DIAPH2: variants seen among roughly 807,000 people sequenced by gnomAD.
DIAPH2 encodes diaphanous related formin 2, also known as protein diaphanous homolog 2.
A neutral mutation model predicts 92.7 loss-of-function variants in DIAPH2; 35 were observed. The observed-to-expected ratio is 0.38, with a 90% confidence interval of 0.29 to 0.50. DIAPH2 has a LOEUF of 0.50. Among genes scored for constraint, DIAPH2 ranks in the 20% least tolerant of loss-of-function variants. DIAPH2 has a pLI of 0.94. For synonymous variants in DIAPH2, 301 were observed against 280.4 expected, an observed-to-expected ratio of 1.07 and a Z score of -0.73; for missense variants, 701 against 819.5, an observed-to-expected ratio of 0.86 and a Z score of 1.77.
intron 23 of DIAPH2, among the ~76,000 whole-genome samples, chrX:97,275,654 C>T (rs1239794054): frequency 9.5e-6 from 1 of 105,120 alleles, no homozygotes; most frequent in Non-Finnish European, 2.0e-5. Flanking sequence ...TGCGGCCGGA[C>T]AGAGGCGCTC....
chrX:97,540,778 T>G (rs955521650), intron 26 of DIAPH2, among the ~76,000 whole-genome samples: 7 of 112,099 alleles, frequency 6.2e-5, no homozygotes, highest in African/African-American at 2.3e-4. Flanking sequence ...TAATGAGCTA[T>G]AAAGATAGAC....
chrX:97,166,926 G>C (rs766662137), intron 22 of DIAPH2, among the ~76,000 whole-genome samples: 3 of 111,794 alleles, frequency 2.7e-5, no homozygotes, highest in Non-Finnish European at 5.6e-5. Flanking sequence ...CCTCAGTTTT[G>C]AATCTTTACA....
At chrX:97,307,921 A>AAAAAG (rs1556022816) in intron 23 of DIAPH2, among the ~76,000 whole-genome samples, 1 of 109,055 alleles carries the variant, frequency 9.2e-6, no homozygotes, top group Non-Finnish European at 1.9e-5. Flanking sequence ...AAAAAAAAAA[A>AAAAAG]AAAAAGAAAA....
At chrX:96,780,997 G>A (rs5990236) in intron 4 of DIAPH2, among the ~76,000 whole-genome samples, 6,231 of 108,529 alleles carry the variant, frequency 0.057, 202 homozygotes, top group Middle Eastern at 0.16. Flanking sequence ...AGTAGAGACG[G>A]GGTTTTGCCA....
At chrX:97,252,975 A>G (rs1374114197) in intron 23 of DIAPH2, among the ~76,000 whole-genome samples, 1 of 111,476 alleles carries the variant, frequency 9.0e-6, no homozygotes, top group Non-Finnish European at 1.9e-5. Context: ...GCATACATTG[A>G]GAAGCAAATT....
intron 22 of DIAPH2, among the ~76,000 whole-genome samples, chrX:97,203,046 C>T (rs974712321): frequency 7.1e-5 from 8 of 111,892 alleles, no homozygotes; most frequent in African/African-American, 9.7e-5. Context: ...ACGTGGAAAT[C>T]GTACAACCTC....
At chrX:97,398,852 A>G (rs2069728580) in intron 25 of DIAPH2, among the ~76,000 whole-genome samples, 1 of 107,731 alleles carries the variant, frequency 9.3e-6, no homozygotes, top group Non-Finnish European at 1.9e-5. Context: ...AGCAATTCCA[A>G]TTCTCTGCCT....
intron 23 of DIAPH2, among the ~76,000 whole-genome samples, chrX:97,261,533 G>T (rs1043808409): frequency 9.0e-6 from 1 of 110,896 alleles, no homozygotes; most frequent in Admixed American, 9.6e-5. Context: ...TTCCTTTAGA[G>T]GAAATAAAAA....
intron 4 of DIAPH2, among the ~76,000 whole-genome samples, chrX:96,785,941 T>C (rs1312522411): frequency 9.0e-6 from 1 of 111,625 alleles, no homozygotes; most frequent in African/African-American, 3.3e-5. Context: ...AGTCCTTATA[T>C]AGGAGCCACA....
chrX:97,377,324 G>A (rs974821790), intron 24 of DIAPH2, among the ~76,000 whole-genome samples: 2 of 112,336 alleles, frequency 1.8e-5, no homozygotes, highest in African/African-American at 3.2e-5. Flanking sequence ...CAAGTACTGT[G>A]TATTGTACAT....
chrX:97,544,042 C>T (rs2071161451), intron 26 of DIAPH2, among the ~76,000 whole-genome samples: 1 of 111,719 alleles, frequency 9.0e-6, no homozygotes, highest in Non-Finnish European at 1.9e-5. Flanking sequence ...AATTGTTAAA[C>T]ATTCTTCCTA....
intron 5 of DIAPH2, among the ~76,000 whole-genome samples, chrX:96,892,192 A>G (rs772579420): frequency 8.9e-5 from 10 of 112,015 alleles, no homozygotes; most frequent in East Asian, 2.8e-4. Context: ...GTACAGATCA[A>G]TACTCTTAGA....
At position 97,016,678 on chromosome X, in the gene DIAPH2, A is replaced by G. The variant is rs530242702; in HGVS notation, c.2050+51471A>G. Among the ~76,000 whole-genome samples, 25 of 112,344 alleles carry G rather than the reference A, an allele frequency of 2.2e-4. No individual in the cohort carries two copies. The South Asian group carries it at 9.3e-3, about 42-fold the overall frequency. The stretch of plus-strand genomic sequence containing the variant: ...TACCTTTGACAAGTTGCTTGCCACA[A>G]AGAAAATTGCTCAAAAGGAGCTGCC... On this transcript the variant is annotated intron_variant, in intron 17 of 26. Coordinates refer to ENST00000324765, the MANE Select transcript of DIAPH2 (RefSeq NM_006729.5).
intron 23 of DIAPH2, among the ~76,000 whole-genome samples, chrX:97,325,201 A>G (rs1467967681): frequency 1.8e-5 from 2 of 112,220 alleles, no homozygotes; most frequent in African/African-American, 6.5e-5. Context: ...GTGGATGAAG[A>G]GGTAAATGAA....
chrX:96,776,627 C>G (rs1377204075), intron 4 of DIAPH2, among the ~76,000 whole-genome samples: 1 of 108,447 alleles, frequency 9.2e-6, no homozygotes, highest in Non-Finnish European at 1.9e-5. Context: ...ATGACTGTTT[C>G]TAAACTAAGA....
chrX:97,049,980 C>A (rs144857009), intron 17 of DIAPH2, among the ~76,000 whole-genome samples: 3,921 of 110,879 alleles, frequency 0.035, 85 homozygotes, highest in Middle Eastern at 0.083. Context: ...GGGTCTGTTC[C>A]CTATCTCCAA....
rs1432624369 is a variant in DIAPH2, at chrX:96,738,599, C to T, written c.179C>T (p.Thr60Ile). The change falls in exon 3 of 27, where the codon ACA (threonine) becomes ATA (isoleucine). Residue 60 changes from threonine (T) to isoleucine (I), a missense_variant. By Grantham distance (89) the Thr-to-Ile change is moderately conservative (BLOSUM62 -1). Around this residue, in one of 3 missense-constraint regions of DIAPH2, gnomAD observed 131 missense variants for 145.6 expected, o/e 0.90. Coordinates refer to ENST00000324765, the MANE Select transcript of DIAPH2 (RefSeq NM_006729.5). The stretch of plus-strand genomic sequence containing the variant: ...TTTTGTTTGCAGCGTGACCGAATTA[C>T]AAGTTTTAGAAAATCTACTGTCAAA... ...TLADDVRDRI[T>I]SFRKSTVKKE... is the part of the protein sequence containing the mutation. The T allele has an allele frequency of 1.1e-5, 13 of 1,195,314 alleles. No homozygotes were observed. Among genetic ancestry groups the T allele is most frequent in the Non-Finnish European group, 1.5e-5 (13 of 889,169 alleles).
rs1316502447 is a variant in DIAPH2 at position 97,560,022 on chromosome X, C to T, written c.3242-39231C>T. Among the ~76,000 whole-genome samples, 8 of 111,876 alleles carry T rather than the reference C, an allele frequency of 7.2e-5. No homozygotes were observed. In the Admixed American group the frequency reaches 7.5e-4, roughly 11 times the overall value. On this transcript the variant is annotated intron_variant, in intron 26 of 26. Coordinates refer to ENST00000324765, the MANE Select transcript of DIAPH2 (RefSeq NM_006729.5). Reference sequence around the variant, plus strand: ...AAACCTCTTCCAATCCTACCCACGTCTCAAGGCCTAGATCAAATTTCACGG... The same window carrying T: ...AAACCTCTTCCAATCCTACCCACGTTTCAAGGCCTAGATCAAATTTCACGG...
At chrX:97,285,383 C>CAAAAAAAA (rs11336007) in intron 23 of DIAPH2, among the ~76,000 whole-genome samples, 71 of 38,114 alleles carry the variant, frequency 1.9e-3, no homozygotes, top group African/African-American at 5.7e-3. Flanking sequence ...ACTAAAAATA[C>CAAAAAAAA]AAAAAAAAAA....
Sources: allele counts gnomAD v4.1 joint callset (sites outside exome capture counted in the v4.1 genomes callset), GRCh38; gene constraint gnomAD v4.1.1; regional missense constraint gnomAD v4.1.1; transcripts MANE v1.5; gene names NCBI Gene and HGNC (gene_info 2026-07-23, HGNC 2026-07-21).